Variants in EVL observed in about 807,000 individuals in gnomAD.
The protein encoded by EVL is Enah/Vasp-like, also known as ena/VASP-like protein.
A neutral mutation model predicts 59.6 loss-of-function variants in EVL; 21 were observed. That is an observed-to-expected ratio of 0.35 (90% CI 0.25 to 0.51). EVL has a LOEUF of 0.51. EVL is among the 20% of genes least tolerant of loss of function. The probability of loss-of-function intolerance (pLI) is 0.97; values close to 1 mark genes in which losing one functional copy is unlikely to be tolerated. For synonymous variants in EVL, 198 were observed against 203.5 expected (o/e 0.97, Z 0.23); for missense variants, 462 against 546.6 (o/e 0.85, Z 1.54).
At chr14:100,141,305 C>A (rs1202467750) in intron 12 of EVL, 59 bp downstream of exon 12, 4 of 1,580,998 alleles carry the variant, frequency 2.5e-6, no homozygotes, top group Non-Finnish European at 3.5e-6. Context: ...GGCGGGGGAC[C>A]GTCTCTGACC....
chr14:100,034,408 A>C (rs1377211142), intron 1 of EVL, among the ~76,000 whole-genome samples: 1 of 152,118 alleles, frequency 6.6e-6, no homozygotes, highest in Non-Finnish European at 1.5e-5. Flanking sequence ...TTTACATTCT[A>C]GAAAACACTG....
At position 100,128,650 on chromosome 14, in the gene EVL, C is replaced by T. The variant is rs1437748130; in HGVS notation, c.619C>T (p.Leu207=). 6.3e-7 allele frequency: 1 copy of T among 1,587,692 alleles called. No homozygotes were observed. Among genetic ancestry groups the T allele is most frequent in the Non-Finnish European group, 8.6e-7 (1 of 1,168,208 alleles). ...TGATPPPPPP[L]PAGGAQGSSH... ...GGCTACCCCACCTCCCCCACCCCCA[C>T]TGCCAGCCGGAGGAGCCCAGGGGTC... Residue 207 remains leucine, a synonymous_variant, in exon 6 of 14, where the codon CTG becomes TTG. Coordinates refer to ENST00000392920, the MANE Select transcript of EVL (RefSeq NM_016337.3).
At chr14:100,041,063 A>G (rs1012794677) in intron 1 of EVL, among the ~76,000 whole-genome samples, 1 of 152,194 alleles carries the variant, frequency 6.6e-6, no homozygotes, top group African/African-American at 2.4e-5. Context: ...TAATATATTA[A>G]TACATAATAT....
At position 100,143,766 on chromosome 14, in the gene EVL, C is replaced by T. The variant is rs191740130; in HGVS notation, c.*28C>T. The T allele has an allele frequency of 1.9e-5, 30 of 1,607,562 alleles. No individual in the cohort carries two copies. In the African/African-American group the frequency reaches 1.9e-4, roughly 10 times the overall value. ...GGCCGGCCTCGCTGCGCTGATTCGT[C>T]GAGCCCATCCGGCGACAGAGGACAG... On this transcript the variant is annotated 3_prime_UTR_variant, in exon 14 of 14. Transcript: ENST00000392920.
chr14:100,142,920 C>T (rs888299119), intron 13 of EVL, among the ~76,000 whole-genome samples: 4 of 152,100 alleles, frequency 2.6e-5, no homozygotes, highest in Non-Finnish European at 4.4e-5. Context: ...GTGGAACCCA[C>T]CCTGGCTGAG....
chr14:100,142,177 C>T (rs1252283378), intron 13 of EVL: 1 of 161,824 alleles, frequency 6.2e-6, no homozygotes, highest in African/African-American at 2.4e-5. Context: ...TTGATACTGC[C>T]ACCTCCAGTC....
chr14:99,986,067 G>A (rs549992066), intron 1 of EVL, among the ~76,000 whole-genome samples: 9 of 152,184 alleles, frequency 5.9e-5, no homozygotes, highest in African/African-American at 1.2e-4. Context: ...CAAGGCGAGC[G>A]GATCACCTGA....
chr14:100,043,203 T>A (rs1482560351), intron 1 of EVL, among the ~76,000 whole-genome samples: 1 of 151,680 alleles, frequency 6.6e-6, no homozygotes, highest in African/African-American at 2.4e-5. Context: ...CTCCAGGGAG[T>A]ACCAATAGGA....
intron 1 of EVL, among the ~76,000 whole-genome samples, chr14:100,010,001 G>T (rs1428994520): frequency 6.6e-6 from 1 of 151,872 alleles, no homozygotes; most frequent in Non-Finnish European, 1.5e-5. Context: ...GAAACTCTCA[G>T]ACTTTAGAGA....
At chr14:100,119,748 G>T (rs1406564216) in intron 3 of EVL, among the ~76,000 whole-genome samples, 1 of 152,192 alleles carries the variant, frequency 6.6e-6, no homozygotes, top group Admixed American at 6.5e-5. Context: ...CACTGTTAGC[G>T]TTAGTGTATT....
chr14:100,136,041 G>T, intron 9 of EVL, 73 bp downstream of exon 9: 1 of 1,538,982 alleles, frequency 6.5e-7, no homozygotes. Context: ...CTTCGGACAG[G>T]ACCCTCTGAT....
intron 1 of EVL, among the ~76,000 whole-genome samples, chr14:100,016,597 A>AAAC (rs1055074281): frequency 6.6e-6 from 1 of 152,188 alleles, no homozygotes; most frequent in Non-Finnish European, 1.5e-5. Flanking sequence ...AAACAAACAA[A>AAAC]AACAACAACA....
Position 100,109,825 on chromosome 14 carries a change from C to T in EVL, c.358+12167C>T, listed in dbSNP as rs995333560. ...GGAAGGGCCTTCAGCTGCTGTGGCC[C>T]CGAGGTGTGCATACTGTGGAAGGAA... On this transcript the variant is annotated intron_variant, in intron 3 of 13. Coordinates refer to ENST00000392920, the MANE Select transcript of EVL (RefSeq NM_016337.3). The surrounding 1 kb of genome is among the most constrained non-coding windows in gnomAD (Gnocchi z 4.3). 4.6e-6 allele frequency: 2 copies of T among 438,586 alleles called. No homozygotes were observed. The highest frequency in any genetic ancestry group is 4.0e-5 in the African/African-American group (2 of 49,816). 27.2% of individuals were successfully genotyped at this position (438,586 alleles called of 1,614,324 possible). A position where few individuals can be genotyped will look rare whatever the true frequency, so the allele number is the denominator to read the frequency against.
rs117016262 is a variant in EVL at position 100,114,204 on chromosome 14, C to T, written c.359-9335C>T. ...ATCAAATGAGCCTTACTTCTGTGAG[C>T]GGGTGCCAACTTGGTTTTCCCATAC... On this transcript the variant is annotated intron_variant, in intron 3 of 13. Transcript: ENST00000392920. The surrounding 1 kb of genome is among the most constrained non-coding windows in gnomAD (Gnocchi z 5.0). 0.011 allele frequency among the ~76,000 whole-genome samples: 1,726 copies of T among 151,980 alleles called. 10 individuals carry two copies. The highest frequency in any genetic ancestry group is 0.019 in the Non-Finnish European group (1,304 of 67,970).
At chr14:100,068,764 G>T (rs1284885296) in intron 1 of EVL, among the ~76,000 whole-genome samples, 6 of 152,290 alleles carry the variant, frequency 3.9e-5, no homozygotes, top group Non-Finnish European at 7.4e-5. Context: ...GGCAGCTGGG[G>T]TGCTAGCTGG....
intron 1 of EVL, chr14:100,074,808 AG>A (rs1455239955): frequency 6.5e-6 from 1 of 152,724 alleles, no homozygotes; most frequent in Non-Finnish European, 1.5e-5. Context: ...ATGGCAGCCA[AG>A]GGAGAAGTTT....
chr14:100,023,040 G>A (rs1180823438), intron 1 of EVL, among the ~76,000 whole-genome samples: 2 of 152,086 alleles, frequency 1.3e-5, no homozygotes, highest in African/African-American at 4.8e-5. Flanking sequence ...TGGGTCCCAC[G>A]CCTAGAGAGT....
chr14:100,120,169 T>TG (rs1422889661), intron 3 of EVL, among the ~76,000 whole-genome samples: 1 of 152,188 alleles, frequency 6.6e-6, no homozygotes, highest in Non-Finnish European at 1.5e-5. Context: ...AGCATGAACT[T>TG]GGGGGACCCC....
chr14:100,057,905 T>C (rs916267096), intron 1 of EVL, among the ~76,000 whole-genome samples: 2 of 152,220 alleles, frequency 1.3e-5, no homozygotes, highest in African/African-American at 4.8e-5. Flanking sequence ...GCCATTTCTC[T>C]GTCCTCCTTT....
Sources: gnomAD v4.1 joint callset for allele counts (sites outside exome capture counted in the v4.1 genomes callset) on GRCh38, gnomAD v4.1.1 for gene constraint, Gnocchi (gnomAD v3.1) non-coding constraint, MANE v1.5 for transcripts, NCBI Gene and HGNC (gene_info 2026-07-23, HGNC 2026-07-21) for gene names.